The following FDFT1 variants were observed in gnomAD, a reference collection of about 807,000 sequenced individuals.
FDFT1 encodes the protein farnesyl-diphosphate farnesyltransferase 1, also known as squalene synthase.
Under a neutral mutation model 46.8 loss-of-function variants are expected in FDFT1, and 68 were observed. The ratio of observed to expected loss-of-function variants is 1.45; its 90% CI spans 1.19 to 1.78. FDFT1 has a LOEUF of 1.78. FDFT1 is among the 40% of genes most tolerant of loss of function. The pLI is 0.00. For synonymous variants in FDFT1, 351 were observed against 185.1 expected (o/e 1.90, Z -7.28); for missense variants, 928 against 524.4 (o/e 1.77, Z -7.52).
At chr8:11,822,739 C>T (rs544279448) in intron 4 of FDFT1, among the ~76,000 whole-genome samples, 1 of 152,222 alleles carries the variant, frequency 6.6e-6, no homozygotes, top group Middle Eastern at 3.4e-3. Context: ...TTGCTTGAGC[C>T]CAAGAGTTGA....
chr8:11,799,183 C>A (rs978213437), upstream of FDFT1, among the ~76,000 whole-genome samples: 1 of 152,186 alleles, frequency 6.6e-6, no homozygotes, highest in African/African-American at 2.4e-5. Context: ...GACAGGAAGG[C>A]GCCTTGAGTG....
intron 1 of FDFT1, among the ~76,000 whole-genome samples, chr8:11,804,687 G>C (rs1174539464): frequency 7.1e-6 from 1 of 140,046 alleles, no homozygotes; most frequent in Non-Finnish European, 1.5e-5. Flanking sequence ...GCTAGATGCA[G>C]CCTCCGCCTC....
chr8:11,818,513 T>A (rs1015839039), intron 3 of FDFT1, among the ~76,000 whole-genome samples: 16 of 152,216 alleles, frequency 1.1e-4, no homozygotes, highest in Non-Finnish European at 2.1e-4. Flanking sequence ...TTTCTAGGTC[T>A]CTAAGGACTT....
upstream of FDFT1, chr8:11,802,726 TC>T (rs1410074149): frequency 8.6e-5 from 74 of 856,304 alleles, 2 homozygotes; most frequent in Admixed American, 1.6e-3. Flanking sequence ...CTGCCCCCTG[TC>T]CGGCCAGCCC....
chr8:11,810,562 A>C (rs578235522), intron 3 of FDFT1, among the ~76,000 whole-genome samples: 1 of 152,326 alleles, frequency 6.6e-6, no homozygotes, highest in South Asian at 2.1e-4. Flanking sequence ...GTATTCTGTA[A>C]GTATTAGCTA....
In FDFT1 at chr8:11,803,009, C is replaced by T. The variant is rs1007649641; in HGVS notation, c.99+78C>T. 20 of 1,529,268 alleles carry T rather than the reference C, an allele frequency of 1.3e-5. No homozygotes were observed. In the African/African-American group the frequency reaches 1.4e-4, roughly 11 times the overall value. The allele number at this position is 1,529,268 out of a possible 1,614,324, so 94.7% of individuals were successfully genotyped here. A position where few individuals can be genotyped will look rare whatever the true frequency, so the allele number is the denominator to read the frequency against. ...GCCTCAGGGCCTGAGCGGCCGGGCC[C>T]GGATCTGGGGCAAGGGGCGCGGCGA... On this transcript the variant is annotated intron_variant, in intron 1 of 7. Coordinates refer to ENST00000220584, the MANE Select transcript of FDFT1 (RefSeq NM_004462.5).
chr8:11,836,491 G>C (rs1371292751), intron 7 of FDFT1, among the ~76,000 whole-genome samples: 1 of 152,208 alleles, frequency 6.6e-6, no homozygotes, highest in East Asian at 1.9e-4. Context: ...GCTCCTCAGG[G>C]CCACCTTTCA....
chr8:11,812,966 CAT>C (rs1563308804), intron 3 of FDFT1, among the ~76,000 whole-genome samples: 1 of 152,158 alleles, frequency 6.6e-6, no homozygotes, highest in Admixed American at 6.5e-5. Flanking sequence ...CTGTGAACAT[CAT>C]AGAGTGTACT....
chr8:11,827,825 A>C (rs1415014153), intron 5 of FDFT1, among the ~76,000 whole-genome samples: 48 of 152,100 alleles, frequency 3.2e-4, no homozygotes, highest in African/African-American at 1.1e-3. Flanking sequence ...AAGATCACTG[A>C]AGCCAGGATA....
intron 5 of FDFT1, among the ~76,000 whole-genome samples, chr8:11,829,369 C>A (rs1810459266): frequency 6.6e-6 from 1 of 152,196 alleles, no homozygotes; most frequent in Admixed American, 6.5e-5. Context: ...CAAGCCGAAT[C>A]CCACTGTTAG....
At position 11,838,487 on chromosome 8, in the gene FDFT1, T is replaced by C. The variant is rs766907168; in HGVS notation, c.1132T>C (p.Ser378Pro). The part of the protein sequence containing the change: ...TQNLPNCQLI[S>P]RSHYSPIYLS... ...GAATCTTCCCAACTGTCAGCTGATT[T>C]CCCGAAGCCACTACTCCCCCATCTA... The change falls in exon 8 of 8, where the codon TCC becomes CCC. Residue 378 changes from serine (S) to proline (P), a missense_variant. Physicochemically the swap from Ser to Pro is moderately conservative, Grantham distance 74. Coordinates refer to ENST00000220584, the MANE Select transcript of FDFT1 (RefSeq NM_004462.5). The C allele has an allele frequency of 1.2e-6, 2 of 1,606,014 alleles. No individual in the cohort carries two copies. The highest frequency in any genetic ancestry group is 2.2e-5 in the East Asian group (1 of 44,730).
chr8:11,834,577 C>G (rs1811284750), intron 7 of FDFT1, among the ~76,000 whole-genome samples: 2 of 151,496 alleles, frequency 1.3e-5, no homozygotes, highest in African/African-American at 4.8e-5. Context: ...ATTAAGACAT[C>G]CAGCCCCCAC....
At chr8:11,798,354 C>T (rs913656728), upstream of FDFT1, among the ~76,000 whole-genome samples, 1 of 152,178 alleles carries the variant, frequency 6.6e-6, no homozygotes, top group Non-Finnish European at 1.5e-5. Flanking sequence ...GCCACTGCAC[C>T]CAGCCCAGTG....
intron 3 of FDFT1, among the ~76,000 whole-genome samples, chr8:11,820,142 A>G (rs56365693): frequency 0.033 from 4,955 of 152,164 alleles, 95 homozygotes; most frequent in African/African-American, 0.051. Flanking sequence ...TCCACTCTAG[A>G]CCCTGTTTAC....
chr8:11,818,100 G>T (rs1487977940), intron 3 of FDFT1, among the ~76,000 whole-genome samples: 5 of 152,106 alleles, frequency 3.3e-5, no homozygotes, highest in Non-Finnish European at 7.4e-5. Context: ...CTTTATTTCT[G>T]CTTTCATTTC....
At position 11,808,859 on chromosome 8, in the gene FDFT1, A is replaced by G. The variant is rs750211397; in HGVS notation, c.165A>G (p.Ala55=). ...KYLNQTSRSF[A]AVIQALDGEM... is the part of the protein sequence containing the mutation. ...TCAATCAGACCAGTCGCAGTTTCGC[A>G]GCTGTTATCCAGGCGCTGGATGGGG... Residue 55 remains alanine (A), a synonymous_variant, in exon 2 of 8, where the codon GCA becomes GCG. Coordinates refer to ENST00000220584, the MANE Select transcript of FDFT1 (RefSeq NM_004462.5). The G allele has an allele frequency of 8.7e-6, 14 of 1,613,950 alleles. No individual in the cohort carries two copies. The East Asian group carries it at 2.5e-4, about 28-fold the overall frequency.
intron 1 of FDFT1, chr8:11,808,559 C>T: frequency 7.3e-7 from 1 of 1,367,568 alleles, no homozygotes; most frequent in Non-Finnish European, 9.4e-7. Context: ...TGGCCCTCTT[C>T]AAGCGCACCT....
At chr8:11,833,318 C>G (rs1242645038) in intron 7 of FDFT1, among the ~76,000 whole-genome samples, 1 of 152,160 alleles carries the variant, frequency 6.6e-6, no homozygotes, top group African/African-American at 2.4e-5. Flanking sequence ...TAATTTGAAC[C>G]CAGGTCTGTC....
intron 3 of FDFT1, among the ~76,000 whole-genome samples, chr8:11,816,650 C>G (rs1808494159): frequency 6.6e-6 from 1 of 152,158 alleles, no homozygotes; most frequent in Non-Finnish European, 1.5e-5. Context: ...GGAGTTCACT[C>G]ATGATTTGGC....
Sources: allele counts gnomAD v4.1 joint callset (sites outside exome capture counted in the v4.1 genomes callset), GRCh38; gene constraint gnomAD v4.1.1; transcripts MANE v1.5; gene names NCBI Gene and HGNC (gene_info 2026-07-23, HGNC 2026-07-21).